Variants in ZNF341 observed in about 807,000 individuals in gnomAD.
The protein encoded by ZNF341 is zinc finger protein 341.
In ZNF341, 52 loss-of-function variants were observed where a neutral mutation model predicts 87.7. The ratio of observed to expected loss-of-function variants is 0.59; its 90% confidence interval spans 0.47 to 0.75. ZNF341 has a LOEUF of 0.75. ZNF341 is among the 30% of genes least tolerant of loss of function. The pLI, the probability that ZNF341 is intolerant of heterozygous loss-of-function variation, is 0.00. For synonymous variants in ZNF341, 459 were observed against 472.7 expected, an observed-to-expected ratio of 0.97 and a Z score of 0.38; for missense variants, 977 against 1,145.9, an observed-to-expected ratio of 0.85 and a Z score of 2.13.
At chr20:33,750,972 G>T (rs533810311) in intron 4 of ZNF341, among the ~76,000 whole-genome samples, 2 of 151,686 alleles carry the variant, frequency 1.3e-5, no homozygotes, top group African/African-American at 4.8e-5. Flanking sequence ...ACAGAGTCTC[G>T]CTATGTTACC....
At chr20:33,757,047 G>A (rs1217032234) in intron 5 of ZNF341, 101 bp from the exon 6 acceptor site, 3 of 973,614 alleles carry the variant, frequency 3.1e-6, no homozygotes, top group African/African-American at 3.4e-5. Context: ...ATGTAGGGGA[G>A]AGCGGCTGAG....
intron 10 of ZNF341, 142 bp downstream of exon 10, chr20:33,770,434 C>A: frequency 1.2e-6 from 1 of 801,880 alleles, no homozygotes; most frequent in South Asian, 1.8e-5. Flanking sequence ...TGGGGTCCAG[C>A]CTGGCAGAGT....
intron 2 of ZNF341, among the ~76,000 whole-genome samples, chr20:33,744,782 GGGTTTCGCCATGTT>G (rs2018880505): frequency 6.6e-6 from 1 of 152,042 alleles, no homozygotes. Flanking sequence ...AGTGGAGATG[GGGTTTCGCCATGTT>G]GTCCAGGCTG....
rs769706785 is a variant in ZNF341 at position 33,791,269 on chromosome 20, C to T, written c.2317C>T (p.Leu773=). The T allele has an allele frequency of 7.4e-6, 12 of 1,611,672 alleles. No homozygotes were observed. Among genetic ancestry groups the T allele is most frequent in the South Asian group, 3.3e-5 (3 of 91,014 alleles). The change falls in exon 15 of 15, where the codon CTG becomes TTG. Residue 773 remains leucine, a synonymous_variant. Transcript: ENST00000375200. ...VLTPLPDPLG[L]EELKDTGAGL... ...GACCCCCTTGCCTGACCCGCTGGGG[C>T]TGGAGGAGCTGAAGGACACAGGGGC...
At chr20:33,777,876 G>A (rs992538502) in intron 10 of ZNF341, among the ~76,000 whole-genome samples, 5 of 152,090 alleles carry the variant, frequency 3.3e-5, no homozygotes, top group Admixed American at 1.3e-4. Flanking sequence ...TCGAGACCTT[G>A]ATATTTCTGA....
intron 3 of ZNF341, among the ~76,000 whole-genome samples, chr20:33,748,454 C>T (rs1272447320): frequency 6.6e-6 from 1 of 152,100 alleles, no homozygotes; most frequent in Non-Finnish European, 1.5e-5. Flanking sequence ...TTTTTTCTTT[C>T]ATTCCGTTTT....
intron 4 of ZNF341, among the ~76,000 whole-genome samples, chr20:33,749,338 G>A (rs1322342363): frequency 6.6e-6 from 1 of 152,164 alleles, no homozygotes; most frequent in Non-Finnish European, 1.5e-5. Flanking sequence ...TGTTGCCCAG[G>A]CTGGAGTGCA....
chr20:33,768,653 G>A (rs2019461020), intron 9 of ZNF341, among the ~76,000 whole-genome samples: 1 of 151,890 alleles, frequency 6.6e-6, no homozygotes, highest in Non-Finnish European at 1.5e-5. Context: ...GAACTCCTGG[G>A]CTCAATTGAT....
intron 8 of ZNF341, among the ~76,000 whole-genome samples, chr20:33,763,953 G>A (rs1381471829): frequency 6.6e-6 from 1 of 151,614 alleles, no homozygotes; most frequent in East Asian, 2.0e-4. Flanking sequence ...GGAGGCTGAG[G>A]TGAGAGGATC....
chr20:33,745,476 T>C (rs912148734), intron 3 of ZNF341, among the ~76,000 whole-genome samples, 177 bp downstream of exon 3: 1 of 151,964 alleles, frequency 6.6e-6, no homozygotes, highest in Non-Finnish European at 1.5e-5. Flanking sequence ...TGCGGAGAGA[T>C]AGGGGATGCC....
At chr20:33,757,379 A>C in intron 6 of ZNF341, 36 bp downstream of exon 6, 1 of 1,426,196 alleles carries the variant, frequency 7.0e-7, no homozygotes, top group East Asian at 2.6e-5. Flanking sequence ...TCTTTCCTCA[A>C]CATTGGCCAA....
intron 4 of ZNF341, chr20:33,752,487 C>G (rs988743734): frequency 3.8e-6 from 2 of 522,072 alleles, no homozygotes; most frequent in African/African-American, 3.8e-5. Context: ...AGGTCACCAC[C>G]TCATTGATGG....
chr20:33,762,895 A>G (rs61560418), intron 8 of ZNF341, among the ~76,000 whole-genome samples: 2,755 of 152,264 alleles, frequency 0.018, 86 homozygotes, highest in African/African-American at 0.062. Flanking sequence ...ATAGTATTCT[A>G]TGGTATATAT....
intron 12 of ZNF341, 69 bp from the exon 13 acceptor site, chr20:33,788,794 C>A: frequency 2.3e-6 from 3 of 1,323,880 alleles, no homozygotes; most frequent in Non-Finnish European, 3.2e-6. Context: ...AGGGGCCCAG[C>A]GGGGACCCTT....
chr20:33,741,868 G>A (rs1367785144), intron 2 of ZNF341, among the ~76,000 whole-genome samples: 1 of 152,226 alleles, frequency 6.6e-6, no homozygotes, highest in East Asian at 1.9e-4. Context: ...GGGCAAGTGA[G>A]TGAATTTCTC....
rs746480360 is a variant in ZNF341 at position 33,731,997 on chromosome 20, T to A, written c.-25T>A. 1.9e-5 allele frequency: 27 copies of A among 1,441,126 alleles called. No individual in the cohort carries two copies. The South Asian group carries it at 2.2e-4, about 12-fold the overall frequency. The allele number at this position is 1,441,126 out of a possible 1,614,324, so 89.3% of individuals were successfully genotyped here. A position where few individuals can be genotyped will look rare whatever the true frequency, so the allele number is the denominator to read the frequency against. On this transcript the variant is annotated 5_prime_UTR_variant, in exon 1 of 15. Coordinates refer to ENST00000375200, the MANE Select transcript of ZNF341 (RefSeq NM_001282933.2). Reference sequence around the variant, plus strand: ...TCGCGTAGCCGGGCTTCGGTTCCTGTGGCGGCGACGGCGGCGGCTCCAAGA... The same window carrying A: ...TCGCGTAGCCGGGCTTCGGTTCCTGAGGCGGCGACGGCGGCGGCTCCAAGA...
chr20:33,772,764 T>C (rs907355643), intron 10 of ZNF341, among the ~76,000 whole-genome samples: 1 of 151,942 alleles, frequency 6.6e-6, no homozygotes, highest in Non-Finnish European at 1.5e-5. Context: ...GATGTTTAGA[T>C]GGGGCCTATG....
Position 33,745,139 on chromosome 20 carries a change from A to G in ZNF341, c.179A>G (p.Lys60Arg). The change falls in exon 3 of 15, where the codon AAG becomes AGG. Residue 60 changes from lysine (K) to arginine (R), a missense_variant. By Grantham distance (26) the Lys-to-Arg change is conservative. Transcript: ENST00000375200. Reference protein sequence around the residue: ...EDVFLCGKCKKQFNSLPAFMT... With the variant: ...EDVFLCGKCKRQFNSLPAFMT... ...GTATTTCTCTGCGGGAAGTGTAAGA[A>G]GCAATTCAACTCGCTGCCAGCGTTT... The G allele has an allele frequency of 6.2e-7, 1 of 1,613,900 alleles. No homozygotes were observed. The highest frequency in any genetic ancestry group is 8.5e-7 in the Non-Finnish European group (1 of 1,179,780).
rs921550604 is a variant in ZNF341, at chr20:33,732,263, C to G, written c.31+211C>G. ...CCGGGGCCGGAACAGCCGGGGAGAGCCAGGCCGGCGGGGAGGGGGCTCGGG... is the reference window on the plus strand; with the variant it reads ...CCGGGGCCGGAACAGCCGGGGAGAGGCAGGCCGGCGGGGAGGGGGCTCGGG... On this transcript the variant is annotated intron_variant, in intron 1 of 14. Coordinates refer to ENST00000375200, the MANE Select transcript of ZNF341 (RefSeq NM_001282933.2). The surrounding 1 kb of genome is among the most constrained non-coding windows in gnomAD (Gnocchi z 4.5). Among the ~76,000 whole-genome samples, 5 of 149,684 alleles carry G rather than the reference C, an allele frequency of 3.3e-5. No homozygotes were observed. The highest frequency in any genetic ancestry group is 2.7e-4 in the Admixed American group (4 of 15,072).
Sources: gnomAD v4.1 joint callset for allele counts (sites outside exome capture counted in the v4.1 genomes callset) on GRCh38, gnomAD v4.1.1 for gene constraint, Gnocchi (gnomAD v3.1) non-coding constraint, MANE v1.5 for transcripts, NCBI Gene and HGNC (gene_info 2026-07-23, HGNC 2026-07-21) for gene names.